Variants in ZP2 observed in about 807,000 individuals in gnomAD.
ZP2 encodes zona pellucida glycoprotein 2, also known as zona pellucida sperm-binding protein 2.
In ZP2, 51 loss-of-function variants were observed where a neutral mutation model predicts 84.0. The observed-to-expected ratio is 0.61, with a 90% confidence interval of 0.49 to 0.77. ZP2 has a LOEUF of 0.77. Among genes scored for constraint, ZP2 ranks in the 30% least tolerant of loss-of-function variants. The probability of loss-of-function intolerance (pLI) is 0.00; values close to 1 mark genes in which losing one functional copy is unlikely to be tolerated. For missense variants in ZP2, 909 were observed against 911.9 expected, an observed-to-expected ratio of 1.00 and a Z score of 0.04; for synonymous variants, 375 against 330.9, an observed-to-expected ratio of 1.13 and a Z score of -1.45.
Position 21,198,861 on chromosome 16 carries a change from G to A in ZP2, c.1929C>T (p.Ala643=). The change falls in exon 17 of 19, where the codon GCC becomes GCT. Residue 643 remains alanine, a splice_region_variant and synonymous_variant. Coordinates refer to ENST00000574091, the MANE Select transcript of ZP2 (RefSeq NM_001376232.1). Reference sequence around the variant, plus strand: ...TTTTCTCTGCTTCAGTGGCCCCTGTGGCTGGAGACAGATGATCAAGTTTGT... The same window carrying A: ...TTTTCTCTGCTTCAGTGGCCCCTGTAGCTGGAGACAGATGATCAAGTTTGT... The part of the protein sequence containing the change: ...TCPVSSRHRR[A]TGATEAEKMT... The A allele has an allele frequency of 6.2e-7, 1 of 1,613,668 alleles. No homozygotes were observed. The highest frequency in any genetic ancestry group is 8.5e-7 in the Non-Finnish European group (1 of 1,179,796).
chr16:21,202,497 C>A (rs2093230787), intron 10 of ZP2, among the ~76,000 whole-genome samples: 1 of 152,104 alleles, frequency 6.6e-6, no homozygotes. Flanking sequence ...GAGAGTAGGA[C>A]TTTTCATCCA....
chr16:21,203,328 C>T, intron 9 of ZP2, 77 bp from the exon 10 acceptor site: 1 of 1,580,890 alleles, frequency 6.3e-7, no homozygotes, highest in East Asian at 2.3e-5. Context: ...GGAAGCAAGT[C>T]CACTAAATAC....
At chr16:21,206,279 GA>G (rs2093249272) in intron 5 of ZP2, among the ~76,000 whole-genome samples, 1 of 152,202 alleles carries the variant, frequency 6.6e-6, no homozygotes, top group Non-Finnish European at 1.5e-5. Context: ...TTACAGGCAT[GA>G]GCCACCATGC....
intron 4 of ZP2, among the ~76,000 whole-genome samples, chr16:21,209,198 C>T (rs973628320): frequency 1.3e-5 from 2 of 152,164 alleles, no homozygotes; most frequent in Admixed American, 6.6e-5. Context: ...GACAGTTTTG[C>T]TCTTGTTGCC....
At chr16:21,199,281 T>C (rs1003815565) in intron 16 of ZP2, among the ~76,000 whole-genome samples, 5 of 123,338 alleles carry the variant, frequency 4.1e-5, no homozygotes, top group African/African-American at 1.6e-4. Flanking sequence ...GATCACACCA[T>C]CTTACTCCAG....
Position 21,199,625 on chromosome 16 carries a change from G to A in ZP2, c.1872C>T (p.Ser624=), listed in dbSNP as rs867937378. The A allele has an allele frequency of 6.2e-7, 1 of 1,613,718 alleles. No individual in the cohort carries two copies. Among genetic ancestry groups the A allele is most frequent in the African/African-American group, 1.3e-5 (1 of 74,928 alleles). ...HCSALICNRL[S]PDSPLCSVTC... ...TCACAGAACACAGTGGGGAGTCAGG[G>A]GAGAGTCGATTACAGATTAAGGCAC... The change falls in exon 16 of 19, where the codon TCC becomes TCT. Residue 624 remains serine (S), a synonymous_variant. Transcript: ENST00000574091.
chr16:21,208,924 A>G (rs370425294), intron 4 of ZP2, among the ~76,000 whole-genome samples: 2 of 152,164 alleles, frequency 1.3e-5, no homozygotes, highest in African/African-American at 2.4e-5. Flanking sequence ...CTTGGTGGAA[A>G]TTACACCTGA....
chr16:21,207,362 C>T (rs1174322861), intron 4 of ZP2, among the ~76,000 whole-genome samples: 1 of 152,084 alleles, frequency 6.6e-6, no homozygotes, highest in Non-Finnish European at 1.5e-5. Flanking sequence ...TTGCTATTAC[C>T]CCTGACCTTA....
At position 21,199,473 on chromosome 16, in the gene ZP2, A is replaced by G. The variant is rs138431811; in HGVS notation, c.1927+97T>C. ...CCAACAAGAGCTCTGGGCAGTAAAT[A>G]AAGTATGAGTTATACCAGTCCTTAA... is the stretch of plus-strand genomic sequence containing the variant. On this transcript the variant is annotated intron_variant, in intron 16 of 18. Coordinates refer to ENST00000574091, the MANE Select transcript of ZP2 (RefSeq NM_001376232.1). The G allele has an allele frequency of 3.6e-5, 40 of 1,114,562 alleles. No homozygotes were observed. In the African/African-American group the frequency reaches 6.0e-4, roughly 17 times the overall value. The allele number at this position is 1,114,562 out of a possible 1,614,324, so 69.0% of individuals were successfully genotyped here.
intron 10 of ZP2, among the ~76,000 whole-genome samples, chr16:21,202,721 G>A: frequency 6.6e-6 from 1 of 151,972 alleles, no homozygotes. Flanking sequence ...TCTGACCTGT[G>A]CAGATCACAT....
Position 21,210,207 on chromosome 16 carries a change from A to C in ZP2, c.152-15T>G, listed in dbSNP as rs779815053. 4.3e-6 allele frequency: 7 copies of C among 1,611,332 alleles called. No individual in the cohort carries two copies. The East Asian group carries it at 1.6e-4, about 36-fold the overall frequency. Reference sequence around the variant, plus strand: ...AGTGACAGTGCCTAAGGAGCAAAGGAAGCATTTGGGGGCTTTGAGTCATGA... The same window carrying C: ...AGTGACAGTGCCTAAGGAGCAAAGGCAGCATTTGGGGGCTTTGAGTCATGA... On this transcript the variant is annotated splice_polypyrimidine_tract_variant and intron_variant, in intron 2 of 18. Transcript: ENST00000574091.
In ZP2 at chr16:21,209,672, GC is replaced by G. The variant is rs752072932; in HGVS notation, c.288del (p.Lys96AsnfsTer4). 6.2e-7 allele frequency: 1 copy of G among 1,614,184 alleles called. No individual in the cohort carries two copies. The highest frequency in any genetic ancestry group is 1.7e-5 in the Admixed American group (1 of 60,024). ...TTATCATAGGTAGCCCTCAGGGTGAGCTTTTCTGGGTCCAGGATGTAAGTGC... is the reference window on the plus strand; with the variant it reads ...TTATCATAGGTAGCCCTCAGGGTGAGTTTTCTGGGTCCAGGATGTAAGTGC... ...PNCTYILDPE[K>X]LTLRATYDNC... is the part of the protein sequence containing the mutation. On this transcript the variant is annotated frameshift_variant, in exon 4 of 19. Coordinates refer to ENST00000574091, the MANE Select transcript of ZP2 (RefSeq NM_001376232.1). LOFTEE classifies it high-confidence loss of function.
intron 6 of ZP2, 37 bp downstream of exon 6, chr16:21,205,694 G>A (rs775793322): frequency 1.9e-6 from 3 of 1,613,676 alleles, no homozygotes; most frequent in Non-Finnish European, 2.5e-6. Flanking sequence ...TAGAATTAAA[G>A]GTTATTAAGG....
At chr16:21,211,890 CTTTATTG>C, upstream of ZP2, 1 of 824,972 alleles carries the variant, frequency 1.2e-6, no homozygotes, top group Middle Eastern at 4.7e-4. Flanking sequence ...GAATCATGGG[CTTTATTG>C]AGAAAAAAAC....
chr16:21,209,886 G>A, intron 3 of ZP2, 161 bp from the exon 4 acceptor site: 2 of 714,472 alleles, frequency 2.8e-6, no homozygotes, highest in East Asian at 5.4e-5. Flanking sequence ...GGTATGACTT[G>A]CAGCCAGAGG....
At chr16:21,203,486 G>T (rs576495742) in intron 9 of ZP2, among the ~76,000 whole-genome samples, 1 of 152,104 alleles carries the variant, frequency 6.6e-6, no homozygotes, top group East Asian at 1.9e-4. Flanking sequence ...CTCTTTGTAC[G>T]AGGCACTAAA....
intron 1 of ZP2, 34 bp downstream of exon 1, chr16:21,211,452 C>T: frequency 6.2e-7 from 1 of 1,614,032 alleles, no homozygotes. Flanking sequence ...ACAAAGCTAC[C>T]ATACCCCCTC....
At chr16:21,203,759 A>T in intron 9 of ZP2, 1 of 511,650 alleles carries the variant, frequency 2.0e-6, no homozygotes, top group South Asian at 2.1e-5. Flanking sequence ...AGTTGCTACT[A>T]CTCAGTTGGG....
At chr16:21,198,948 C>A in intron 16 of ZP2, 86 bp from the exon 17 acceptor site, 1 of 1,196,860 alleles carries the variant, frequency 8.4e-7, no homozygotes, top group East Asian at 2.5e-5. Context: ...AGTAGAAGCT[C>A]TCTGGAGTAT....
Sources: allele counts gnomAD v4.1 joint callset (sites outside exome capture counted in the v4.1 genomes callset), GRCh38; gene constraint gnomAD v4.1.1; transcripts MANE v1.5; gene names NCBI Gene and HGNC (gene_info 2026-07-23, HGNC 2026-07-21).